MS4A6E: variants seen among roughly 807,000 people sequenced by gnomAD.
MS4A6E encodes the protein membrane spanning 4-domains A6E, also known as membrane-spanning 4-domains subfamily A member 6E.
In MS4A6E, 8 loss-of-function variants were observed where a neutral mutation model predicts 13.2. The ratio of observed to expected loss-of-function variants is 0.60; its 90% CI spans 0.35 to 1.09. The LOEUF is 1.09. MS4A6E is among the 50% of genes least tolerant of loss of function. The pLI is 0.02. For synonymous variants in MS4A6E, 72 were observed against 67.6 expected (o/e 1.06, Z -0.32); for missense variants, 177 against 171.1 (o/e 1.03, Z -0.19).
downstream of MS4A6E, among the ~76,000 whole-genome samples, chr11:60,341,795 T>G (rs2085227549): frequency 1.3e-5 from 2 of 152,196 alleles, no homozygotes; most frequent in Admixed American, 1.3e-4. Context: ...TCAGTTTCTT[T>G]GATTTTAGCT....
chr11:60,329,802 G>T (rs2085142464), intron 1 of MS4A6E, among the ~76,000 whole-genome samples: 2 of 147,328 alleles, frequency 1.4e-5, no homozygotes, highest in South Asian at 2.1e-4. Flanking sequence ...TATGAGAATT[G>T]TCTGTTCATA....
At chr11:60,340,123 A>G (rs1464026376) in intron 4 of MS4A6E, among the ~76,000 whole-genome samples, 159 bp downstream of exon 4, 5 of 152,248 alleles carry the variant, frequency 3.3e-5, no homozygotes, top group African/African-American at 1.2e-4. Flanking sequence ...GAAGAAAAGC[A>G]GATGGTAATT....
In MS4A6E at chr11:60,337,858, G is replaced by C. The variant is rs752908828; in HGVS notation, c.265G>C (p.Glu89Gln). The change falls in exon 3 of 5, where the codon GAA (glutamate) becomes CAA (glutamine). Residue 89 changes from glutamate (E) to glutamine (Q), a missense_variant. Coordinates refer to ENST00000684409, the MANE Select transcript of MS4A6E (RefSeq NM_139249.4). ...TGCCTCATTGCAGTGTAAGTTGGAC[G>C]AAAAGGATATACCAACCAGACTTCT... ...NPASLQCKLD[E>Q]KDIPTRLLLS... 7.4e-6 allele frequency: 12 copies of C among 1,614,130 alleles called. No individual in the cohort carries two copies. The South Asian group carries it at 1.1e-4, about 15-fold the overall frequency.
chr11:60,338,297 G>C (rs1464337009), intron 3 of MS4A6E, among the ~76,000 whole-genome samples: 1 of 152,200 alleles, frequency 6.6e-6, no homozygotes, highest in East Asian at 1.9e-4. Context: ...AAACAGAGCA[G>C]AAAGACCCGG....
rs1463237471 is a variant in MS4A6E at position 60,337,753 on chromosome 11, C to T, written c.160C>T (p.Leu54=). 3 of 1,614,100 alleles carry T rather than the reference C, an allele frequency of 1.9e-6. No individual in the cohort carries two copies. Among genetic ancestry groups the T allele is most frequent in the African/African-American group, 2.7e-5 (2 of 74,942 alleles). The change falls in exon 3 of 5, where the codon CTG becomes TTG. Residue 54 remains leucine, a synonymous_variant. Coordinates refer to ENST00000684409, the MANE Select transcript of MS4A6E (RefSeq NM_139249.4). The part of the protein sequence containing the change: ...KVKVIGVHSS[L]AGSILSALSA... Reference sequence around the variant, plus strand: ...ATGTCTCTTTCAGGTGCATAGCAGCCTGGCTGGAAGCATTCTGAGTGCTCT... The same window carrying T: ...ATGTCTCTTTCAGGTGCATAGCAGCTTGGCTGGAAGCATTCTGAGTGCTCT...
At chr11:60,345,225 C>T (rs192667787), downstream of MS4A6E, among the ~76,000 whole-genome samples, 95 of 152,298 alleles carry the variant, frequency 6.2e-4, no homozygotes, top group Middle Eastern at 3.4e-3. Flanking sequence ...TGAGCCACCG[C>T]GCCCTGCCCC....
At chr11:60,341,703 T>C (rs1038258912), downstream of MS4A6E, among the ~76,000 whole-genome samples, 3 of 152,098 alleles carry the variant, frequency 2.0e-5, no homozygotes, top group Admixed American at 6.6e-5. Context: ...GTAGCAGGGG[T>C]CATACTTCAT....
At position 60,337,821 on chromosome 11, in the gene MS4A6E, T is replaced by C. The variant is rs753426569; in HGVS notation, c.228T>C (p.Ala76=). The C allele has an allele frequency of 6.8e-6, 11 of 1,614,228 alleles. No individual in the cohort carries two copies. In the South Asian group the frequency reaches 1.2e-4, roughly 18 times the overall value. Residue 76 remains alanine (A), a synonymous_variant, in exon 3 of 5, where the codon GCT becomes GCC. Coordinates refer to ENST00000684409, the MANE Select transcript of MS4A6E (RefSeq NM_139249.4). ...VGFILLSVNP[A]ALNPASLQCK... ...TCATTCTCCTGTCTGTCAACCCGGC[T>C]GCATTAAATCCTGCCTCATTGCAGT... is the stretch of plus-strand genomic sequence containing the variant.
intron 1 of MS4A6E, among the ~76,000 whole-genome samples, chr11:60,332,807 C>T (rs2085165096): frequency 6.6e-6 from 1 of 152,264 alleles, no homozygotes; most frequent in Middle Eastern, 3.4e-3. Context: ...ATATGTAAGA[C>T]ACAAAGAGAA....
downstream of MS4A6E, among the ~76,000 whole-genome samples, chr11:60,344,244 A>G (rs752686002): frequency 2.6e-5 from 4 of 152,220 alleles, no homozygotes; most frequent in African/African-American, 4.8e-5. Context: ...TTATTACCTC[A>G]GATGCCTTTT....
At chr11:60,330,335 C>CTTTTTTTTTTTTGTTT (rs2085146771) in intron 1 of MS4A6E, among the ~76,000 whole-genome samples, 1 of 61,168 alleles carries the variant, frequency 1.6e-5, no homozygotes, top group Non-Finnish European at 3.0e-5. Context: ...AATTTTGGCT[C>CTTTTTTTTTTTTGTTT]TTTTTTTTTT....
chr11:60,345,327 T>TG (rs2085251689), downstream of MS4A6E, among the ~76,000 whole-genome samples: 1 of 152,236 alleles, frequency 6.6e-6, no homozygotes, highest in South Asian at 2.1e-4. Context: ...AAAGTATACT[T>TG]GGAGTGTAAA....
chr11:60,330,202 T>C (rs1036126396), intron 1 of MS4A6E, among the ~76,000 whole-genome samples: 1 of 150,538 alleles, frequency 6.6e-6, no homozygotes, highest in African/African-American at 2.5e-5. Flanking sequence ...TTCTGGATAT[T>C]AGCCCTTTGT....
In MS4A6E at chr11:60,337,908, T is replaced by C; in HGVS notation, c.315T>C (p.Pro105=). Residue 105 remains proline, a synonymous_variant, in exon 3 of 5, where the codon CCT becomes CCC. Coordinates refer to ENST00000684409, the MANE Select transcript of MS4A6E (RefSeq NM_139249.4). The stretch of plus-strand genomic sequence containing the variant: ...TTCTTTCTTATGATTATCATTCACC[T>C]TACACCATGGACTGCCATAGAGCCA... ...RLLLSYDYHS[P]YTMDCHRAKA... 1.2e-6 allele frequency: 2 copies of C among 1,614,252 alleles called. No homozygotes were observed. Among genetic ancestry groups the C allele is most frequent in the Non-Finnish European group, 1.7e-6 (2 of 1,180,050 alleles).
chr11:60,335,115 G>T (rs990728351), intron 2 of MS4A6E, 73 bp downstream of exon 2: 2 of 1,575,144 alleles, frequency 1.3e-6, no homozygotes, highest in Non-Finnish European at 1.7e-6. Context: ...TTTGGGACTG[G>T]TCATCCTTGT....
chr11:60,335,396 T>G, intron 2 of MS4A6E: 1 of 376,152 alleles, frequency 2.7e-6, no homozygotes, highest in Admixed American at 3.7e-5. Flanking sequence ...CAATCCACAC[T>G]GATTCTTTGC....
intron 1 of MS4A6E, among the ~76,000 whole-genome samples, chr11:60,328,526 TACACACAC>T (rs35996897): frequency 9.9e-4 from 144 of 145,754 alleles, no homozygotes; most frequent in African/African-American, 1.4e-3. Context: ...AACTGTGAGA[TACACACAC>T]ACACACACAC....
chr11:60,339,782 T>C, intron 3 of MS4A6E, 84 bp from the exon 4 acceptor site: 1 of 1,173,984 alleles, frequency 8.5e-7, no homozygotes, highest in Non-Finnish European at 1.3e-6. Context: ...TGAGGTGGTC[T>C]TCATCTCTAT....
At chr11:60,335,139 C>A in intron 2 of MS4A6E, 97 bp downstream of exon 2, 1 of 1,505,708 alleles carries the variant, frequency 6.6e-7, no homozygotes, top group East Asian at 2.3e-5. Flanking sequence ...TGTGGAGACC[C>A]TTAAGTTTTG....
Sources: allele counts gnomAD v4.1 joint callset (sites outside exome capture counted in the v4.1 genomes callset), GRCh38; gene constraint gnomAD v4.1.1; transcripts MANE v1.5; gene names NCBI Gene and HGNC (gene_info 2026-07-23, HGNC 2026-07-21).